The following MITF variants were observed in gnomAD, a reference collection of about 807,000 sequenced individuals.
MITF encodes microphthalmia-associated transcription factor.
In MITF, 17 loss-of-function variants were observed where a neutral mutation model predicts 60.5. The observed-to-expected ratio is 0.28, with a 90% confidence interval of 0.19 to 0.42. MITF has a LOEUF of 0.42. Ranked by LOEUF, MITF falls within the 10% of genes least tolerant of loss-of-function variation. The probability of loss-of-function intolerance (pLI) is 1.00; values close to 1 mark genes in which losing one functional copy is unlikely to be tolerated. For synonymous variants in MITF, 260 were observed against 248.5 expected, an observed-to-expected ratio of 1.05 and a Z score of -0.43; for missense variants, 622 against 683.5, an observed-to-expected ratio of 0.91 and a Z score of 1.00.
chr3:69,957,460 G>T (rs1432590299), intron 8 of MITF, among the ~76,000 whole-genome samples: 1 of 152,186 alleles, frequency 6.6e-6, no homozygotes, highest in East Asian at 1.9e-4. Context: ...TTGTGAGGTG[G>T]TTTTGATGAA....
intron 1 of MITF, among the ~76,000 whole-genome samples, chr3:69,758,174 A>C (rs1308614877): frequency 2.0e-5 from 3 of 150,716 alleles, no homozygotes; most frequent in Non-Finnish European, 3.0e-5. Flanking sequence ...ATTTCATTTT[A>C]TTTACTTTTT....
chr3:69,943,843 T>C (rs115434513), intron 5 of MITF, among the ~76,000 whole-genome samples: 3,022 of 152,076 alleles, frequency 0.02, 98 homozygotes, highest in African/African-American at 0.069. Context: ...GTAATCCTAG[T>C]ACTTTGGGAG....
At chr3:69,838,426 C>T (rs972548941) in intron 1 of MITF, among the ~76,000 whole-genome samples, 12 of 151,998 alleles carry the variant, frequency 7.9e-5, no homozygotes, top group African/African-American at 2.9e-4. Flanking sequence ...ACGGATTTGG[C>T]ATGTTTTACG....
At chr3:69,938,088 T>C (rs745349722) in intron 3 of MITF, 39 bp downstream of exon 3, 1 of 1,587,900 alleles carries the variant, frequency 6.3e-7, no homozygotes, top group Admixed American at 1.7e-5. Context: ...TTTCTTATGC[T>C]AAATAACTTG....
At chr3:69,918,881 G>A (rs1392976496) in intron 2 of MITF, among the ~76,000 whole-genome samples, 1 of 152,120 alleles carries the variant, frequency 6.6e-6, no homozygotes, top group African/African-American at 2.4e-5. Flanking sequence ...TTTTGAATAT[G>A]GAAAATGGCA....
intron 1 of MITF, among the ~76,000 whole-genome samples, chr3:69,867,445 T>G (rs1430594924): frequency 1.3e-5 from 2 of 152,204 alleles, no homozygotes; most frequent in African/African-American, 4.8e-5. Flanking sequence ...TCTAACTTCT[T>G]GAGCTTCTAT....
At chr3:69,866,924 A>G (rs2107230332) in intron 1 of MITF, among the ~76,000 whole-genome samples, 1 of 151,590 alleles carries the variant, frequency 6.6e-6, no homozygotes, top group East Asian at 1.9e-4. Flanking sequence ...TTCTCTTGGA[A>G]GGGGAAACAG....
At chr3:69,906,224 C>G (rs2065095882) in intron 2 of MITF, among the ~76,000 whole-genome samples, 1 of 151,986 alleles carries the variant, frequency 6.6e-6, no homozygotes, top group South Asian at 2.1e-4. Context: ...TATCCTTTTT[C>G]CCTTTCATTG....
chr3:69,866,830 CTTT>C (rs35550619), intron 1 of MITF, among the ~76,000 whole-genome samples: 2 of 139,458 alleles, frequency 1.4e-5, no homozygotes, highest in Non-Finnish European at 1.6e-5. Context: ...CTCCCCCCAC[CTTT>C]TTTTTTTTTT....
intron 2 of MITF, among the ~76,000 whole-genome samples, chr3:69,916,144 A>G (rs1203725994): frequency 6.6e-6 from 1 of 152,144 alleles, no homozygotes; most frequent in African/African-American, 2.4e-5. Context: ...ATGTTTTTAC[A>G]TTTGTGCAAT....
At chr3:69,920,255 G>A (rs918201094) in intron 2 of MITF, among the ~76,000 whole-genome samples, 2 of 152,118 alleles carry the variant, frequency 1.3e-5, no homozygotes, top group Non-Finnish European at 2.9e-5. Context: ...GTGGTCTAGC[G>A]GTAGCGGAAA....
chr3:69,834,638 A>C (rs1422392738), intron 1 of MITF, among the ~76,000 whole-genome samples: 1 of 152,148 alleles, frequency 6.6e-6, no homozygotes, highest in Non-Finnish European at 1.5e-5. Flanking sequence ...TAAACATGGG[A>C]GTGCAGATAT....
chr3:69,836,094 C>T (rs1016180975), intron 1 of MITF, among the ~76,000 whole-genome samples: 30 of 152,038 alleles, frequency 2.0e-4, no homozygotes, highest in East Asian at 5.8e-4. Context: ...TTAATTCTTT[C>T]GGTTCATGGA....
intron 1 of MITF, among the ~76,000 whole-genome samples, chr3:69,852,804 G>A (rs2063847989): frequency 1.3e-5 from 2 of 152,134 alleles, no homozygotes; most frequent in South Asian, 4.1e-4. Flanking sequence ...CATTTGCTCT[G>A]TTCTTCACCA....
chr3:69,883,545 C>T (rs2064537427), intron 2 of MITF, among the ~76,000 whole-genome samples: 1 of 152,126 alleles, frequency 6.6e-6, no homozygotes, highest in Non-Finnish European at 1.5e-5. Flanking sequence ...AGGTATAACA[C>T]AGAACATGAA....
intron 1 of MITF, among the ~76,000 whole-genome samples, chr3:69,788,766 T>C (rs1035899203): frequency 4.6e-5 from 7 of 152,066 alleles, no homozygotes; most frequent in African/African-American, 1.2e-4. Context: ...ACCAATGTAA[T>C]AGAATAGAGA....
At chr3:69,858,652 G>A (rs1288376034) in intron 1 of MITF, among the ~76,000 whole-genome samples, 2 of 152,104 alleles carry the variant, frequency 1.3e-5, no homozygotes, top group African/African-American at 4.8e-5. Flanking sequence ...AGAGTTTGTT[G>A]TCTACTATCA....
intron 2 of MITF, among the ~76,000 whole-genome samples, chr3:69,926,480 C>G (rs1234473886): frequency 6.6e-6 from 1 of 152,144 alleles, no homozygotes; most frequent in East Asian, 1.9e-4. Flanking sequence ...AGTGTCGGTA[C>G]TTATGAGAAG....
At chr3:69,843,704 G>C (rs1325450501) in intron 1 of MITF, among the ~76,000 whole-genome samples, 2 of 151,890 alleles carry the variant, frequency 1.3e-5, no homozygotes, top group Non-Finnish European at 2.9e-5. Context: ...TCCTCTTTAT[G>C]GCCACAGACA....
Sources: gnomAD v4.1 joint callset for allele counts (sites outside exome capture counted in the v4.1 genomes callset) on GRCh38, gnomAD v4.1.1 for gene constraint, MANE v1.5 for transcripts, NCBI Gene and HGNC (gene_info 2026-07-23, HGNC 2026-07-21) for gene names.